COG5: variants seen among roughly 807,000 people sequenced by gnomAD.
COG5 encodes component of oligomeric golgi complex 5.
COG5 carries 86 observed loss-of-function variants against 110.4 expected under a neutral mutation model. The observed-to-expected ratio is 0.78, with a 90% CI of 0.65 to 0.93. The LOEUF (loss-of-function observed/expected upper bound fraction) is 0.93, where lower values mean the gene tolerates loss of function less well. Among genes scored for constraint, COG5 ranks in the 40% least tolerant of loss-of-function variants. The pLI, the probability that COG5 is intolerant of heterozygous loss-of-function variation, is 0.00. For synonymous variants in COG5, 360 were observed against 334.6 expected, an observed-to-expected ratio of 1.08 and a Z score of -0.83; for missense variants, 1,077 against 987.0, an observed-to-expected ratio of 1.09 and a Z score of -1.22.
At chr7:107,416,503 A>G (rs972533561) in intron 6 of COG5, among the ~76,000 whole-genome samples, 1 of 152,190 alleles carries the variant, frequency 6.6e-6, no homozygotes, top group African/African-American at 2.4e-5. Context: ...TAGCAGAGAT[A>G]GCAGATACGT....
chr7:107,468,333 A>T (rs992685111), intron 6 of COG5, among the ~76,000 whole-genome samples: 3 of 152,156 alleles, frequency 2.0e-5, no homozygotes, highest in Admixed American at 6.6e-5. Flanking sequence ...TGCTGTGTTA[A>T]TAATCTCCTC....
intron 16 of COG5, among the ~76,000 whole-genome samples, chr7:107,252,159 TG>T (rs1802565513): frequency 1.3e-5 from 2 of 152,114 alleles, no homozygotes; most frequent in South Asian, 4.1e-4. Flanking sequence ...AGTTCAAGGC[TG>T]TAGCACGCCA....
chr7:107,294,930 TACAC>T (rs1290144852), intron 12 of COG5, among the ~76,000 whole-genome samples: 46 of 100,978 alleles, frequency 4.6e-4, no homozygotes, highest in East Asian at 1.6e-3. Flanking sequence ...TGTGTATATA[TACAC>T]ACACACACAC....
chr7:107,288,960 ATATT>A (rs1805926358), intron 12 of COG5, among the ~76,000 whole-genome samples: 13 of 96,018 alleles, frequency 1.4e-4, no homozygotes, highest in South Asian at 3.3e-4. Context: ...ATATATATAT[ATATT>A]TAAAAATTTA....
At chr7:107,213,330 A>G (rs1425503238) in intron 19 of COG5, among the ~76,000 whole-genome samples, 1 of 152,154 alleles carries the variant, frequency 6.6e-6, no homozygotes, top group Non-Finnish European at 1.5e-5. Context: ...AGACTTGCCC[A>G]AACCCTGAAA....
chr7:107,262,111 G>A (rs1803405327), intron 14 of COG5, among the ~76,000 whole-genome samples: 1 of 151,914 alleles, frequency 6.6e-6, no homozygotes, highest in African/African-American at 2.4e-5. Context: ...GGCTGGTCTT[G>A]AACTCCTGGC....
chr7:107,435,377 G>C (rs1355500698), intron 6 of COG5, among the ~76,000 whole-genome samples: 2 of 152,226 alleles, frequency 1.3e-5, no homozygotes, highest in East Asian at 3.9e-4. Context: ...ATCTGGCCAG[G>C]CGCGGTGGCT....
intron 6 of COG5, among the ~76,000 whole-genome samples, chr7:107,516,192 A>C (rs2129147995): frequency 6.6e-6 from 1 of 152,328 alleles, no homozygotes; most frequent in South Asian, 2.1e-4. Context: ...CAATAAGATA[A>C]TAGTATACTT....
At chr7:107,503,778 T>C (rs971902062) in intron 6 of COG5, among the ~76,000 whole-genome samples, 4 of 152,174 alleles carry the variant, frequency 2.6e-5, no homozygotes, top group Non-Finnish European at 5.9e-5. Flanking sequence ...GGCTAAGTTC[T>C]TGATTTGATT....
intron 17 of COG5, among the ~76,000 whole-genome samples, chr7:107,237,252 T>C (rs1344576212): frequency 6.6e-6 from 1 of 152,182 alleles, no homozygotes; most frequent in African/African-American, 2.4e-5. Context: ...CTCTAGATGA[T>C]GAGGTTTGGA....
intron 8 of COG5, among the ~76,000 whole-genome samples, chr7:107,365,015 G>C (rs1398556629): frequency 6.6e-6 from 1 of 151,854 alleles, no homozygotes; most frequent in Non-Finnish European, 1.5e-5. Flanking sequence ...GTGAGAAAAG[G>C]GTATGTAGTG....
chr7:107,450,325 T>C (rs1295362735), intron 6 of COG5: 1 of 152,580 alleles, frequency 6.6e-6, no homozygotes, highest in Non-Finnish European at 1.5e-5. Flanking sequence ...ATGGCAAAGA[T>C]GGCCATCAGA....
At chr7:107,351,503 A>G (rs925536540) in intron 10 of COG5, among the ~76,000 whole-genome samples, 2 of 152,166 alleles carry the variant, frequency 1.3e-5, no homozygotes, top group African/African-American at 4.8e-5. Flanking sequence ...AAAAGAAACT[A>G]CCATCAGAGT....
At chr7:107,284,363 TA>T (rs533715856) in intron 12 of COG5, among the ~76,000 whole-genome samples, 148 of 152,348 alleles carry the variant, frequency 9.7e-4, no homozygotes, top group African/African-American at 3.4e-3. Context: ...GCTATGCCTT[TA>T]CTTGTAAATC....
At chr7:107,220,531 G>A (rs1799840812) in intron 19 of COG5, among the ~76,000 whole-genome samples, 1 of 152,168 alleles carries the variant, frequency 6.6e-6, no homozygotes, top group South Asian at 2.1e-4. Context: ...TCCATAGACT[G>A]GTTACTATTT....
chr7:107,550,488 A>G (rs1056283380), intron 3 of COG5, among the ~76,000 whole-genome samples: 1 of 152,120 alleles, frequency 6.6e-6, no homozygotes, highest in African/African-American at 2.4e-5. Flanking sequence ...CTCCTTCACT[A>G]AACATCAGCT....
At chr7:107,540,356 G>C (rs535513507) in intron 5 of COG5, among the ~76,000 whole-genome samples, 7 of 151,412 alleles carry the variant, frequency 4.6e-5, no homozygotes, top group African/African-American at 1.5e-4. Flanking sequence ...AGTATCACTT[G>C]AGGCCAGGAG....
intron 5 of COG5, among the ~76,000 whole-genome samples, chr7:107,529,024 T>TAAAAAATAA (rs1554457477): frequency 2.2e-4 from 22 of 97,844 alleles, no homozygotes; most frequent in African/African-American, 1.1e-3. Flanking sequence ...AATACTTAAA[T>TAAAAAATAA]AAAAAAAAAA....
chr7:107,260,075 G>GAT (rs143875588), intron 14 of COG5, among the ~76,000 whole-genome samples: 2,718 of 131,424 alleles, frequency 0.021, 99 homozygotes, highest in African/African-American at 0.057. Context: ...AACTCCTAGT[G>GAT]ATATATATAT....
Sources: allele counts gnomAD v4.1 joint callset (sites outside exome capture counted in the v4.1 genomes callset), GRCh38; gene constraint gnomAD v4.1.1; transcripts MANE v1.5; gene names NCBI Gene and HGNC (gene_info 2026-07-23, HGNC 2026-07-21).